Variants in NBEA observed in about 807,000 individuals in gnomAD.
The protein encoded by NBEA is neurobeachin.
A neutral mutation model predicts 343.4 loss-of-function variants in NBEA; 44 were observed. The ratio of observed to expected loss-of-function variants is 0.13; its 90% CI spans 0.10 to 0.16. The LOEUF is 0.16. Among genes scored for constraint, NBEA ranks in the 10% least tolerant of loss-of-function variants. The probability of loss-of-function intolerance (pLI) is 1.00; values close to 1 mark genes in which losing one functional copy is unlikely to be tolerated. For missense variants in NBEA, 2,555 were observed against 3,631.3 expected (o/e 0.70, Z 7.62); for synonymous variants, 1,175 against 1,238.7 (o/e 0.95, Z 1.08).
intron 4 of NBEA, among the ~76,000 whole-genome samples, 190 bp from the exon 5 acceptor site, chr13:35,048,373 A>G (rs2062940290): frequency 6.6e-6 from 1 of 152,108 alleles, no homozygotes; most frequent in East Asian, 1.9e-4. Context: ...TGTTTCTATA[A>G]TCAACAAATA....
At chr13:35,466,067 C>G (rs2075374602) in intron 40 of NBEA, among the ~76,000 whole-genome samples, 1 of 152,048 alleles carries the variant, frequency 6.6e-6, no homozygotes, top group Non-Finnish European at 1.5e-5. Flanking sequence ...TAAGAGGGCT[C>G]CATTCCTTCC....
At chr13:35,312,023 A>C (rs1034742877) in intron 36 of NBEA, among the ~76,000 whole-genome samples, 3 of 152,246 alleles carry the variant, frequency 2.0e-5, no homozygotes, top group African/African-American at 4.8e-5. Context: ...ATATAAGAAC[A>C]AATCATGTAT....
chr13:35,562,962 G>C (rs1305434683), intron 44 of NBEA, among the ~76,000 whole-genome samples: 1 of 151,768 alleles, frequency 6.6e-6, no homozygotes, highest in Non-Finnish European at 1.5e-5. Flanking sequence ...TAATTAAAAA[G>C]TTTTTTTAAT....
At chr13:35,135,574 AT>A (rs2067673256) in intron 17 of NBEA, among the ~76,000 whole-genome samples, 1 of 152,042 alleles carries the variant, frequency 6.6e-6, no homozygotes, top group African/African-American at 2.4e-5. Context: ...AAAAAATATA[AT>A]TTTTATTTAA....
intron 10 of NBEA, among the ~76,000 whole-genome samples, chr13:35,071,250 A>G (rs995042453): frequency 6.6e-6 from 1 of 152,012 alleles, no homozygotes; most frequent in Non-Finnish European, 1.5e-5. Flanking sequence ...TTTATTAGCA[A>G]TTACATAATT....
intron 1 of NBEA, among the ~76,000 whole-genome samples, chr13:35,015,148 A>AAAAAAAAC (rs2061611849): frequency 6.7e-6 from 1 of 149,246 alleles, no homozygotes; most frequent in Non-Finnish European, 1.5e-5. Flanking sequence ...AACAAACAAA[A>AAAAAAAAC]AAAAAAAACC....
chr13:35,671,034 A>G lies in NBEA; in HGVS notation c.*43A>G. 1 of 1,408,294 alleles carries G rather than the reference A, an allele frequency of 7.1e-7. No homozygotes were observed. Among genetic ancestry groups the G allele is most frequent in the Non-Finnish European group, 9.8e-7 (1 of 1,020,896 alleles). 87.2% of individuals were successfully genotyped at this position (1,408,294 alleles called of 1,614,324 possible). A position where few individuals can be genotyped will look rare whatever the true frequency, so the allele number is the denominator to read the frequency against. ...AAAGCCAAGTTAAAGCTGAGAGCAC[A>G]AGTGCTGCATGGAAAGGCAATATCT... On this transcript the variant is annotated 3_prime_UTR_variant, in exon 59 of 59. Coordinates refer to ENST00000379939, the MANE Select transcript of NBEA (RefSeq NM_001385012.1).
At chr13:35,198,285 T>G (rs1291010147) in intron 31 of NBEA, among the ~76,000 whole-genome samples, 1 of 152,158 alleles carries the variant, frequency 6.6e-6, no homozygotes, top group African/African-American at 2.4e-5. Flanking sequence ...TATAAGCCTA[T>G]AAGGTAATAT....
intron 34 of NBEA, among the ~76,000 whole-genome samples, chr13:35,287,395 T>TCCC (rs1224821228): frequency 2.0e-5 from 3 of 152,030 alleles, no homozygotes; most frequent in Non-Finnish European, 4.4e-5. Context: ...GTATCATTTC[T>TCCC]CCCGTTTTAT....
At chr13:35,066,075 C>G in intron 8 of NBEA, among the ~76,000 whole-genome samples, 1 of 152,110 alleles carries the variant, frequency 6.6e-6, no homozygotes. Context: ...TATCCTCCTG[C>G]CTCAGCTCCT....
chr13:34,996,759 A>ATG (rs2060955766), intron 1 of NBEA, among the ~76,000 whole-genome samples: 1 of 151,732 alleles, frequency 6.6e-6, no homozygotes. Context: ...TCACTATTAA[A>ATG]TGTGTGTGTG....
At chr13:34,945,154 T>A (rs1217149416) in intron 1 of NBEA, among the ~76,000 whole-genome samples, 1 of 152,190 alleles carries the variant, frequency 6.6e-6, no homozygotes, top group African/African-American at 2.4e-5. Flanking sequence ...CTACCTAAGA[T>A]TTTGTAACTG....
At chr13:35,001,131 T>G (rs1160494892) in intron 1 of NBEA, among the ~76,000 whole-genome samples, 1 of 152,046 alleles carries the variant, frequency 6.6e-6, no homozygotes, top group African/African-American at 2.4e-5. Context: ...CTTTTCAAAC[T>G]TCTATTAAAA....
At chr13:35,275,289 A>G (rs1801610306) in intron 34 of NBEA, among the ~76,000 whole-genome samples, 1 of 151,710 alleles carries the variant, frequency 6.6e-6, no homozygotes, top group South Asian at 2.1e-4. Flanking sequence ...GGTGCTGGGA[A>G]AACTAGCCAT....
At chr13:35,077,658 G>T (rs2064179546) in intron 10 of NBEA, among the ~76,000 whole-genome samples, 1 of 151,978 alleles carries the variant, frequency 6.6e-6, no homozygotes, top group Non-Finnish European at 1.5e-5. Flanking sequence ...AATTGCTGTT[G>T]CCCTTTTCCA....
intron 1 of NBEA, among the ~76,000 whole-genome samples, chr13:35,018,949 A>G (rs1206713256): frequency 6.6e-6 from 1 of 152,038 alleles, no homozygotes; most frequent in Non-Finnish European, 1.5e-5. Flanking sequence ...AGCTTTTATA[A>G]TGAATATTTT....
chr13:35,008,006 C>A (rs2061370905), intron 1 of NBEA, among the ~76,000 whole-genome samples: 1 of 151,956 alleles, frequency 6.6e-6, no homozygotes, highest in Non-Finnish European at 1.5e-5. Flanking sequence ...CAATTTGAGG[C>A]TTTGGATACT....
At chr13:35,061,411 A>G (rs1159532733) in intron 8 of NBEA, among the ~76,000 whole-genome samples, 2 of 151,700 alleles carry the variant, frequency 1.3e-5, no homozygotes, top group African/African-American at 4.8e-5. Context: ...TTTACTGTGG[A>G]TCTCTATTTG....
At chr13:35,217,465 T>C (rs1008153594) in intron 33 of NBEA, among the ~76,000 whole-genome samples, 8 of 152,042 alleles carry the variant, frequency 5.3e-5, no homozygotes, top group African/African-American at 9.7e-5. Flanking sequence ...CCAAAATTTA[T>C]ATTGTATTTT....
Sources: gnomAD v4.1 joint callset for allele counts (sites outside exome capture counted in the v4.1 genomes callset) on GRCh38, gnomAD v4.1.1 for gene constraint, MANE v1.5 for transcripts, NCBI Gene and HGNC (gene_info 2026-07-23, HGNC 2026-07-21) for gene names.